The following GTF2H1 variants were observed in gnomAD, a reference collection of about 807,000 sequenced individuals.
GTF2H1 encodes the protein general transcription factor IIH subunit 1.
GTF2H1 carries 16 observed loss-of-function variants against 71.2 expected under a neutral mutation model. That is an observed-to-expected ratio of 0.22 (90% CI 0.15 to 0.34). GTF2H1 has a LOEUF of 0.34. Ranked by LOEUF, GTF2H1 falls within the 10% of genes least tolerant of loss-of-function variation. The pLI, the probability that GTF2H1 is intolerant of heterozygous loss-of-function variation, is 1.00. For synonymous variants in GTF2H1, 215 were observed against 219.0 expected (o/e 0.98, Z 0.16); for missense variants, 498 against 648.2 (o/e 0.77, Z 2.52).
chr11:18,349,449 A>G (rs1865377488), intron 9 of GTF2H1, among the ~76,000 whole-genome samples: 1 of 152,182 alleles, frequency 6.6e-6, no homozygotes, highest in African/African-American at 2.4e-5. Flanking sequence ...TTGGGAGTCC[A>G]AGGTGGGTGG....
chr11:18,325,934 A>G (rs564501622), intron 1 of GTF2H1: 7 of 152,318 alleles, frequency 4.6e-5, no homozygotes, highest in Admixed American at 6.5e-5. Flanking sequence ...ATAAATTTCT[A>G]TGGCTCTTAT....
rs1317655647 is a variant in GTF2H1 at position 18,341,246 on chromosome 11, G to A, written c.608-15G>A. The A allele has an allele frequency of 6.3e-7, 1 of 1,598,340 alleles. No homozygotes were observed. The highest frequency in any genetic ancestry group is 8.5e-7 in the Non-Finnish European group (1 of 1,172,670). On this transcript the variant is annotated splice_polypyrimidine_tract_variant and intron_variant, in intron 5 of 14. Coordinates refer to ENST00000265963, the MANE Select transcript of GTF2H1 (RefSeq NM_005316.4). Reference sequence around the variant, plus strand: ...GGAAATTCAGTATATAATATTTGTGGGTTTTTTTCCACAGTAAAAATGAAA... The same window carrying A: ...GGAAATTCAGTATATAATATTTGTGAGTTTTTTTCCACAGTAAAAATGAAA...
chr11:18,326,377 C>T (rs901304505), intron 1 of GTF2H1, among the ~76,000 whole-genome samples: 2 of 152,044 alleles, frequency 1.3e-5, no homozygotes, highest in Non-Finnish European at 2.9e-5. Flanking sequence ...GAAAAATTAG[C>T]GAGGTGTGGT....
intron 14 of GTF2H1, among the ~76,000 whole-genome samples, chr11:18,364,779 G>A (rs1356349740): frequency 2.0e-5 from 3 of 152,102 alleles, no homozygotes; most frequent in African/African-American, 7.2e-5. Context: ...CTGAAATGCT[G>A]GAGTTGGAAA....
At chr11:18,340,192 C>T (rs1355505042) in intron 5 of GTF2H1, among the ~76,000 whole-genome samples, 2 of 152,150 alleles carry the variant, frequency 1.3e-5, no homozygotes, top group Admixed American at 6.5e-5. Context: ...CAGTGGCTCA[C>T]GCCTGTAATC....
intron 14 of GTF2H1, among the ~76,000 whole-genome samples, chr11:18,361,794 G>T (rs960944733): frequency 1.1e-4 from 17 of 152,228 alleles, no homozygotes; most frequent in Non-Finnish European, 2.1e-4. Flanking sequence ...ACTACTCATA[G>T]TAAGCAAAAC....
rs1865446381 is a variant in GTF2H1 at position 18,352,337 on chromosome 11, A to G, written c.1151A>G (p.His384Arg). Residue 384 changes from histidine to arginine, a missense_variant, in exon 11 of 15, where the codon CAT becomes CGT. By Grantham distance (29) the His-to-Arg change is conservative (BLOSUM62 0). Coordinates refer to ENST00000265963, the MANE Select transcript of GTF2H1 (RefSeq NM_005316.4). ...TCTGTGCTAACCTGCAGGTATTATC[A>G]TGGTCCAACTCCAATCCAGTCACTA... The part of the protein sequence containing the change: ...LNLKKSDRYY[H>R]GPTPIQSLQY... 6.9e-6 allele frequency: 10 copies of G among 1,441,184 alleles called. No individual in the cohort carries two copies. The highest frequency in any genetic ancestry group is 7.8e-6 in the Non-Finnish European group (8 of 1,024,326). The allele number at this position is 1,441,184 out of a possible 1,614,324, so 89.3% of individuals were successfully genotyped here.
chr11:18,327,130 C>T (rs1011971432), intron 1 of GTF2H1, among the ~76,000 whole-genome samples: 1 of 152,204 alleles, frequency 6.6e-6, no homozygotes, highest in East Asian at 1.9e-4. Context: ...TTAAAATAAA[C>T]TATTGAAAAT....
At chr11:18,332,412 G>A (rs1262359645) in intron 1 of GTF2H1, among the ~76,000 whole-genome samples, 1 of 152,214 alleles carries the variant, frequency 6.6e-6, no homozygotes, top group Non-Finnish European at 1.5e-5. Context: ...CTCAGAGGCA[G>A]GGGATGGAGG....
At chr11:18,333,375 T>G in intron 2 of GTF2H1, 147 bp downstream of exon 2, 1 of 564,658 alleles carries the variant, frequency 1.8e-6, no homozygotes, top group East Asian at 3.1e-5. Context: ...ATATACTGTT[T>G]TATAACCTGA....
At chr11:18,341,655 T>TA (rs1467941878) in intron 7 of GTF2H1, 48 bp downstream of exon 7, 1 of 1,180,952 alleles carries the variant, frequency 8.5e-7, no homozygotes, top group Non-Finnish European at 1.2e-6. Flanking sequence ...CTTTTCCTAG[T>TA]CTTCAACATT....
intron 11 of GTF2H1, among the ~76,000 whole-genome samples, chr11:18,357,534 T>C (rs1421399227): frequency 6.6e-6 from 1 of 152,122 alleles, no homozygotes; most frequent in Non-Finnish European, 1.5e-5. Context: ...CTGGGCAACA[T>C]AACAAGATTT....
intron 1 of GTF2H1, among the ~76,000 whole-genome samples, chr11:18,324,699 G>C (rs1045856001): frequency 1.2e-4 from 18 of 152,272 alleles, no homozygotes; most frequent in African/African-American, 3.9e-4. Flanking sequence ...CCTGCCTTCA[G>C]TGTGGCAGTA....
At chr11:18,355,672 C>T (rs889700350) in intron 11 of GTF2H1, among the ~76,000 whole-genome samples, 1 of 151,692 alleles carries the variant, frequency 6.6e-6, no homozygotes, top group African/African-American at 2.4e-5. Context: ...TGTCACCATC[C>T]CTGGCTAATT....
intron 1 of GTF2H1, among the ~76,000 whole-genome samples, chr11:18,330,245 T>C (rs1281350679): frequency 6.6e-6 from 1 of 152,244 alleles, no homozygotes; most frequent in African/African-American, 2.4e-5. Flanking sequence ...TGGAACATTT[T>C]TGTGTCCCTT....
intron 4 of GTF2H1, among the ~76,000 whole-genome samples, chr11:18,339,269 A>C (rs2133965003): frequency 6.6e-6 from 1 of 152,302 alleles, no homozygotes; most frequent in South Asian, 2.1e-4. Context: ...GATTTTTATG[A>C]CTATACAAGT....
chr11:18,335,228 A>G (rs1192650751), intron 2 of GTF2H1, among the ~76,000 whole-genome samples: 1 of 152,242 alleles, frequency 6.6e-6, no homozygotes, highest in Non-Finnish European at 1.5e-5. Context: ...CTCAGAAAGC[A>G]TATAGTGTCA....
At chr11:18,324,478 TCCTGTGTGTACTGC>T (rs1864710501) in intron 1 of GTF2H1, among the ~76,000 whole-genome samples, 1 of 152,178 alleles carries the variant, frequency 6.6e-6, no homozygotes. Context: ...TGTGAATGCT[TCCTGTGTGTACTGC>T]CCTCAAGGCT....
At chr11:18,326,620 C>T (rs1864773746) in intron 1 of GTF2H1, among the ~76,000 whole-genome samples, 1 of 151,524 alleles carries the variant, frequency 6.6e-6, no homozygotes, top group Non-Finnish European at 1.5e-5. Context: ...ATTTTTTTAC[C>T]TTCTCAACTC....
Sources: gnomAD v4.1 joint callset for allele counts (sites outside exome capture counted in the v4.1 genomes callset) on GRCh38, gnomAD v4.1.1 for gene constraint, MANE v1.5 for transcripts, NCBI Gene and HGNC (gene_info 2026-07-23, HGNC 2026-07-21) for gene names.